Variants in DYNC2I2 observed in about 807,000 individuals in gnomAD.
DYNC2I2 encodes the protein cytoplasmic dynein 2 intermediate chain 2.
In DYNC2I2, 39 loss-of-function variants were observed where a neutral mutation model predicts 52.0. That is an observed-to-expected ratio of 0.75 (90% CI 0.58 to 0.98). DYNC2I2 has a LOEUF of 0.98. Ranked by LOEUF, DYNC2I2 falls within the 50% of genes least tolerant of loss-of-function variation. The pLI is 0.00. For synonymous variants in DYNC2I2, 359 were observed against 321.1 expected, an observed-to-expected ratio of 1.12 and a Z score of -1.26; for missense variants, 743 against 728.4, an observed-to-expected ratio of 1.02 and a Z score of -0.23.
the DYNC2I2 span, among the ~76,000 whole-genome samples, chr9:128,682,457 G>T: frequency 1.3e-5 from 2 of 151,978 alleles, no homozygotes; most frequent in Non-Finnish European, 2.9e-5. Flanking sequence ...TGGGCAGTTG[G>T]CTTGGGACCA....
chr9:128,677,708 G>A, the DYNC2I2 span, among the ~76,000 whole-genome samples: 1 of 152,030 alleles, frequency 6.6e-6, no homozygotes, highest in African/African-American at 2.4e-5. Context: ...TCGCAAGGCT[G>A]AGACAGGAGA....
Position 128,633,830 on chromosome 9 carries a change from CCTT to C in DYNC2I2, c.1522_1524del (p.Lys508del). On this transcript the variant is annotated inframe_deletion, in exon 9 of 9. Transcript: ENST00000372715. Reference sequence around the variant, plus strand: ...GTGAACTCTGTGCTCAGCTGCCACACCTTCACTGTGCCCTGGGCATCGCCCGCA... The same window carrying C: ...GTGAACTCTGTGCTCAGCTGCCACACCACTGTGCCCTGGGCATCGCCCGCA... 6.2e-7 allele frequency: 1 copy of C among 1,613,626 alleles called. No homozygotes were observed. Among genetic ancestry groups the C allele is most frequent in the Non-Finnish European group, 8.5e-7 (1 of 1,180,044 alleles).
chr9:128,652,461 A>T (rs1427929633), intron 1 of DYNC2I2, among the ~76,000 whole-genome samples: 5 of 149,454 alleles, frequency 3.3e-5, no homozygotes, highest in South Asian at 2.1e-4. Context: ...AGAAAGAAAG[A>T]AAGTACCAAG....
the DYNC2I2 span, among the ~76,000 whole-genome samples, chr9:128,662,658 C>A: frequency 6.6e-6 from 1 of 152,074 alleles, no homozygotes; most frequent in Admixed American, 6.6e-5. Context: ...TGGCTCACTG[C>A]AACCTTCACC....
chr9:128,644,295 G>A (rs761191998), intron 1 of DYNC2I2, among the ~76,000 whole-genome samples: 6 of 140,724 alleles, frequency 4.3e-5, no homozygotes, highest in Non-Finnish European at 6.1e-5. Flanking sequence ...TTTTGAGACA[G>A]GGTCTCACTC....
upstream of DYNC2I2, among the ~76,000 whole-genome samples, chr9:128,657,953 C>A (rs1296024386): frequency 1.3e-5 from 2 of 152,032 alleles, no homozygotes; most frequent in African/African-American, 4.8e-5. Flanking sequence ...ATTGGCCAGG[C>A]ATAGTGGCAC....
chr9:128,649,470 T>G (rs1425592131), intron 1 of DYNC2I2, among the ~76,000 whole-genome samples: 2 of 151,008 alleles, frequency 1.3e-5, no homozygotes, highest in Admixed American at 1.3e-4. Context: ...GGGAGGATCA[T>G]TTGAGGTCAG....
At chr9:128,671,629 C>T in the DYNC2I2 span, among the ~76,000 whole-genome samples, 4 of 150,952 alleles carry the variant, frequency 2.6e-5, no homozygotes, top group East Asian at 3.9e-4. Flanking sequence ...CGTGCCACCA[C>T]GTCCAGCTAA....
rs547183313 is a variant in DYNC2I2 at position 128,656,750 on chromosome 9, C to A, written c.-24G>T. On this transcript the variant is annotated 5_prime_UTR_variant, in exon 1 of 9. Transcript: ENST00000372715. ...ATGGAGACGGTTCCGCCCTCTCGTG[C>A]GGACGCACTCAGGCGCGACCTCCGC... 3 of 1,343,808 alleles carry A rather than the reference C, an allele frequency of 2.2e-6. No individual in the cohort carries two copies. The highest frequency in any genetic ancestry group is 6.0e-5 in the East Asian group (2 of 33,244). 83.2% of individuals were successfully genotyped at this position (1,343,808 alleles called of 1,614,324 possible). A position where few individuals can be genotyped will look rare whatever the true frequency, so the allele number is the denominator to read the frequency against.
chr9:128,678,283 GT>G, the DYNC2I2 span, among the ~76,000 whole-genome samples: 4 of 151,480 alleles, frequency 2.6e-5, no homozygotes, highest in African/African-American at 9.7e-5. Context: ...GGTCAGGCTG[GT>G]CTCGAACTCC....
Position 128,635,768 on chromosome 9 carries a change from C to A in DYNC2I2, c.704-1G>T. ...AACACCTCACCACTGTACAGCCCTC[C>A]TGCAGGGACAGTGGACCTGGGCAGA... On this transcript the variant is annotated splice_acceptor_variant, in intron 4 of 8. Transcript: ENST00000372715. LOFTEE classifies it high-confidence loss of function. 6.2e-7 allele frequency: 1 copy of A among 1,610,490 alleles called. No homozygotes were observed. The highest frequency in any genetic ancestry group is 8.5e-7 in the Non-Finnish European group (1 of 1,178,262).
At chr9:128,641,044 G>A in intron 1 of DYNC2I2, 105 bp from the exon 2 acceptor site, 15 of 1,450,438 alleles carry the variant, frequency 1.0e-5, no homozygotes, top group Admixed American at 2.7e-5. Flanking sequence ...TGCTGCTGTG[G>A]GTCTCAGGCT....
upstream of DYNC2I2, among the ~76,000 whole-genome samples, chr9:128,657,847 T>C (rs915303325): frequency 6.6e-6 from 1 of 152,094 alleles, no homozygotes; most frequent in Non-Finnish European, 1.5e-5. Context: ...GCCAGCACTT[T>C]GGAAGGCCAA....
At chr9:128,665,932 G>A in the DYNC2I2 span, among the ~76,000 whole-genome samples, 10 of 150,686 alleles carry the variant, frequency 6.6e-5, no homozygotes, top group African/African-American at 2.0e-4. Context: ...AAAATTAGCC[G>A]GGCATGGTGG....
chr9:128,671,563 C>T, the DYNC2I2 span, among the ~76,000 whole-genome samples: 1 of 151,066 alleles, frequency 6.6e-6, no homozygotes, highest in African/African-American at 2.4e-5. Flanking sequence ...ACCTCTGCCT[C>T]CCGGGTTGAA....
At chr9:128,667,657 C>G in the DYNC2I2 span, among the ~76,000 whole-genome samples, 1 of 151,790 alleles carries the variant, frequency 6.6e-6, no homozygotes, top group Non-Finnish European at 1.5e-5. Context: ...GCAACCTCCA[C>G]CTCCCTGGTT....
the DYNC2I2 span, among the ~76,000 whole-genome samples, chr9:128,682,484 C>T: frequency 3.3e-5 from 5 of 152,040 alleles, no homozygotes; most frequent in African/African-American, 9.6e-5. Flanking sequence ...GGAGACCAGC[C>T]TGGGCAACAT....
intron 1 of DYNC2I2, among the ~76,000 whole-genome samples, chr9:128,645,932 C>A (rs147940994): frequency 1.3e-5 from 2 of 152,294 alleles, no homozygotes; most frequent in East Asian, 3.9e-4. Context: ...GAAAATCAAT[C>A]CAGCCACATT....
At chr9:128,677,375 C>G in the DYNC2I2 span, among the ~76,000 whole-genome samples, 1 of 152,066 alleles carries the variant, frequency 6.6e-6, no homozygotes, top group African/African-American at 2.4e-5. Context: ...TTCCCAGCTA[C>G]TTGGGAGGCT....
Sources: gnomAD v4.1 joint callset for allele counts (sites outside exome capture counted in the v4.1 genomes callset) on GRCh38, gnomAD v4.1.1 for gene constraint, MANE v1.5 for transcripts, NCBI Gene and HGNC (gene_info 2026-07-23, HGNC 2026-07-21) for gene names.